Variants in METTL6 observed in about 807,000 individuals in gnomAD.
The protein encoded by METTL6 is methyltransferase 6, tRNA N3-cytidine, also known as tRNA N(3)-cytidine methyltransferase METTL6.
Under a neutral mutation model 26.4 loss-of-function variants are expected in METTL6, and 22 were observed. That is an observed-to-expected ratio of 0.83 (90% confidence interval 0.59 to 1.19). METTL6 has a LOEUF of 1.19. Among genes scored for constraint, METTL6 ranks in the 50% most tolerant of loss-of-function variants. METTL6 has a pLI of 0.00. For synonymous variants in METTL6, 109 were observed against 116.2 expected (o/e 0.94, Z 0.40); for missense variants, 304 against 324.8 (o/e 0.94, Z 0.49).
At chr3:15,414,921 C>G in intron 4 of METTL6, 1 of 1,143,438 alleles carries the variant, frequency 8.7e-7, no homozygotes. Flanking sequence ...GACCCTGTCT[C>G]AAAAATAAAT....
At chr3:15,421,082 G>A (rs994926716) in intron 3 of METTL6, among the ~76,000 whole-genome samples, 5 of 152,170 alleles carry the variant, frequency 3.3e-5, no homozygotes, top group Non-Finnish European at 7.3e-5. Flanking sequence ...AGAACGGGTG[G>A]AAGGAAGGGC....
intron 6 of METTL6, chr3:15,399,276 T>C (rs1005945169): frequency 2.8e-5 from 4 of 141,092 alleles, no homozygotes; most frequent in African/African-American, 1.0e-4. Context: ...AAGAAATAAC[T>C]ATAAAAATAG....
Position 15,426,437 on chromosome 3 carries a change from G to C in METTL6, c.75C>G (p.Asp25Glu). 5 of 1,614,148 alleles carry C rather than the reference G, an allele frequency of 3.1e-6. No individual in the cohort carries two copies. The highest frequency in any genetic ancestry group is 4.2e-6 in the Non-Finnish European group (5 of 1,180,022). ...TSEEEEKLKRDQTLVSDFKQQ... is the reference protein window; with the variant it reads ...TSEEEEKLKREQTLVSDFKQQ... ...GTTTAAAATCAGACACCAAAGTTTG[G>C]TCTCTTTTCAGTTTCTCCTCTTCTT... is the stretch of plus-strand genomic sequence containing the variant. Residue 25 changes from aspartate (D) to glutamate (E), a missense_variant, in exon 2 of 6, where the codon GAC (aspartate) becomes GAG (glutamate). By Grantham distance (45) the Asp-to-Glu change is conservative. Coordinates refer to ENST00000383790, the MANE Select transcript of METTL6 (RefSeq NM_152396.4).
chr3:15,402,717 C>CA (rs1292406538), intron 6 of METTL6, among the ~76,000 whole-genome samples: 42 of 122,110 alleles, frequency 3.4e-4, no homozygotes, highest in Admixed American at 8.3e-4. Flanking sequence ...GCCTGGGAAA[C>CA]AGAGTGAGAT....
At chr3:15,402,986 T>C (rs1198983376) in intron 6 of METTL6, among the ~76,000 whole-genome samples, 1 of 152,206 alleles carries the variant, frequency 6.6e-6, no homozygotes, top group Non-Finnish European at 1.5e-5. Flanking sequence ...CCAAAGTTAG[T>C]TCAGCCTAAA....
chr3:15,393,211 C>T (rs1220776188), intron 6 of METTL6, among the ~76,000 whole-genome samples: 10 of 152,170 alleles, frequency 6.6e-5, no homozygotes, highest in South Asian at 2.1e-4. Context: ...AGGTCCTTCA[C>T]GTCCCTTGTA....
chr3:15,385,898 T>G (rs115407231), intron 6 of METTL6, among the ~76,000 whole-genome samples: 4 of 152,316 alleles, frequency 2.6e-5, no homozygotes, highest in African/African-American at 9.6e-5. Context: ...ATTGTAGTGT[T>G]ACCAGAAAGG....
At chr3:15,405,320 T>C (rs1699755764), downstream of METTL6, among the ~76,000 whole-genome samples, 1 of 152,210 alleles carries the variant, frequency 6.6e-6, no homozygotes, top group Admixed American at 6.6e-5. Context: ...GAAGGGAAAG[T>C]AGACTGAACA....
Position 15,401,229 on chromosome 3 carries a change from T to C in METTL6, c.*11+10016A>G, listed in dbSNP as rs554291735. On this transcript the variant is annotated intron_variant, in intron 6 of 6. Coordinates refer to the METTL6 transcript ENST00000443029. ...TAATTTTTTATATTTTTAGTAGAGATGGGGTTTTACCATGTTAGCCAGGAT... is the reference window on the plus strand; with the variant it reads ...TAATTTTTTATATTTTTAGTAGAGACGGGGTTTTACCATGTTAGCCAGGAT... Among the ~76,000 whole-genome samples, 11 of 151,974 alleles carry C rather than the reference T, an allele frequency of 7.2e-5. No individual in the cohort carries two copies. In the South Asian group the frequency reaches 1.5e-3, roughly 20 times the overall value.
At chr3:15,411,461 C>T (rs1559489032) in intron 5 of METTL6, 24 bp from the exon 6 acceptor site, 2 of 1,607,090 alleles carry the variant, frequency 1.2e-6, no homozygotes, top group Non-Finnish European at 1.7e-6. Flanking sequence ...ATCAACAATG[C>T]TCAACAGTCT....
Position 15,426,377 on chromosome 3 carries a change from C to A in METTL6, c.135G>T (p.Trp45Cys), listed in dbSNP as rs566848011. Reference protein sequence around the residue: ...QKLEQEAQKNWDLFYKRNSTN... With the variant: ...QKLEQEAQKNCDLFYKRNSTN... ...TGCTATTTCTTTTGTAAAAAAGATC[C>A]CAATTTTTCTGAGCCTCTTGTTCCA... The change falls in exon 2 of 6, where the codon TGG becomes TGT. Residue 45 changes from tryptophan to cysteine, a missense_variant. By Grantham distance (215) the Trp-to-Cys change is radical (BLOSUM62 -2). Transcript: ENST00000383790. 6.2e-7 allele frequency: 1 copy of A among 1,614,174 alleles called. No homozygotes were observed. Among genetic ancestry groups the A allele is most frequent in the East Asian group, 2.2e-5 (1 of 44,884 alleles).
chr3:15,411,975 G>A (rs369252423), intron 5 of METTL6, among the ~76,000 whole-genome samples: 2 of 152,184 alleles, frequency 1.3e-5, no homozygotes, highest in South Asian at 4.1e-4. Context: ...ATGTTGGCCA[G>A]GCTGGTCTCA....
chr3:15,386,206 G>A (rs1699188099), intron 6 of METTL6, among the ~76,000 whole-genome samples: 1 of 152,170 alleles, frequency 6.6e-6, no homozygotes, highest in Non-Finnish European at 1.5e-5. Context: ...GCACTGCCAT[G>A]GCATTTGTAA....
exon 7 of METTL6, chr3:15,384,069 T>C: frequency 2.7e-6 from 1 of 368,216 alleles, no homozygotes; most frequent in South Asian, 1.9e-5. Flanking sequence ...AAATTAGGGT[T>C]GAGGTACTAT....
intron 6 of METTL6, among the ~76,000 whole-genome samples, chr3:15,390,755 G>A (rs901017067): frequency 2.6e-5 from 4 of 152,216 alleles, no homozygotes; most frequent in African/African-American, 9.6e-5. Flanking sequence ...GGAGGGTCAG[G>A]GTGGCAGCCC....
chr3:15,389,660 C>A (rs1208747141), intron 6 of METTL6, among the ~76,000 whole-genome samples: 1 of 152,154 alleles, frequency 6.6e-6, no homozygotes, highest in African/African-American at 2.4e-5. Flanking sequence ...AGAGATTCTC[C>A]TGCCTCAGTC....
chr3:15,414,879 G>T, intron 4 of METTL6: 2 of 858,462 alleles, frequency 2.3e-6, no homozygotes, highest in Non-Finnish European at 3.3e-6. Context: ...CCACGTCCAT[G>T]CCACTGCACT....
At chr3:15,401,108 T>C (rs1376899673) in intron 6 of METTL6, among the ~76,000 whole-genome samples, 2 of 151,972 alleles carry the variant, frequency 1.3e-5, no homozygotes, top group East Asian at 3.9e-4. Context: ...GGCGCAATCT[T>C]GGCTCACTGC....
chr3:15,401,536 C>CAAAAAA (rs35578326), intron 6 of METTL6, among the ~76,000 whole-genome samples: 6 of 71,838 alleles, frequency 8.4e-5, no homozygotes, highest in East Asian at 3.8e-4. Flanking sequence ...ATGTTCACGC[C>CAAAAAA]AAAAAAAAAA....
Sources: allele counts gnomAD v4.1 joint callset (sites outside exome capture counted in the v4.1 genomes callset), GRCh38; gene constraint gnomAD v4.1.1; transcripts MANE v1.5; gene names NCBI Gene and HGNC (gene_info 2026-07-23, HGNC 2026-07-21).